The following TMEM178B variants were observed in gnomAD, a reference collection of about 807,000 sequenced individuals.
TMEM178B encodes the protein transmembrane protein 178B.
Under a neutral mutation model 31.0 loss-of-function variants are expected in TMEM178B, and 5 were observed. The ratio of observed to expected loss-of-function variants is 0.16; its 90% confidence interval spans 0.08 to 0.34. The LOEUF (loss-of-function observed/expected upper bound fraction) is 0.34, where lower values mean the gene tolerates loss of function less well. TMEM178B is among the 10% of genes least tolerant of loss of function. The pLI is 1.00. For synonymous variants in TMEM178B, 164 were observed against 164.0 expected, an observed-to-expected ratio of 1.00 and a Z score of 0.00; for missense variants, 275 against 400.3, an observed-to-expected ratio of 0.69 and a Z score of 2.67.
chr7:141,096,408 T>C (rs1794961594), intron 1 of TMEM178B, among the ~76,000 whole-genome samples: 1 of 152,184 alleles, frequency 6.6e-6, no homozygotes, highest in African/African-American at 2.4e-5. Context: ...CTATCTTCTC[T>C]CTGGATGCTA....
intron 1 of TMEM178B, among the ~76,000 whole-genome samples, chr7:141,135,405 T>G (rs181403355): frequency 1.3e-5 from 2 of 152,316 alleles, no homozygotes; most frequent in Admixed American, 1.3e-4. Context: ...ACAGAACATT[T>G]TATCCAATAG....
chr7:141,207,365 T>C (rs1291001606), intron 1 of TMEM178B, among the ~76,000 whole-genome samples: 1 of 152,246 alleles, frequency 6.6e-6, no homozygotes, highest in Non-Finnish European at 1.5e-5. Context: ...ACCACCATAC[T>C]GAGCCCCACA....
intron 1 of TMEM178B, among the ~76,000 whole-genome samples, chr7:141,174,257 C>G (rs994481721): frequency 2.0e-5 from 3 of 152,132 alleles, no homozygotes; most frequent in Non-Finnish European, 4.4e-5. Context: ...ATGATGGTTT[C>G]CAGCGTCATC....
chr7:141,430,821 C>T (rs2116668882), intron 2 of TMEM178B, among the ~76,000 whole-genome samples: 1 of 152,304 alleles, frequency 6.6e-6, no homozygotes, highest in South Asian at 2.1e-4. Context: ...CACTTGAGTT[C>T]TGCCCTCACC....
rs145832764 is a variant in TMEM178B, at chr7:141,203,574, C to A, written c.383-9017C>A. Among the ~76,000 whole-genome samples, 8 of 152,338 alleles carry A rather than the reference C, an allele frequency of 5.3e-5. 1 individual carries two copies. Among genetic ancestry groups the A allele is most frequent in the African/African-American group, 1.9e-4 (8 of 41,580 alleles). On this transcript the variant is annotated intron_variant, in intron 1 of 3. Coordinates refer to ENST00000565468, the MANE Select transcript of TMEM178B (RefSeq NM_001195278.2). ...TGTGGCTGCAAAAATAACCCTTGTT[C>A]CCAGCAAATCTTCCACCCAACAGTG...
chr7:141,428,387 A>AAG (rs1554486898), intron 2 of TMEM178B, among the ~76,000 whole-genome samples: 7 of 143,984 alleles, frequency 4.9e-5, no homozygotes, highest in South Asian at 4.3e-4. Context: ...AAAAAAAAGA[A>AAG]AAAAAGAAAA....
chr7:141,220,128 G>T (rs6950120), intron 2 of TMEM178B, among the ~76,000 whole-genome samples: 85,221 of 151,318 alleles, frequency 0.56, 25,808 homozygotes, highest in East Asian at 0.8. Flanking sequence ...AGACCAGTCT[G>T]GCTAACATAG....
At chr7:141,300,029 T>A (rs1192414476) in intron 2 of TMEM178B, among the ~76,000 whole-genome samples, 4 of 152,178 alleles carry the variant, frequency 2.6e-5, no homozygotes, top group Non-Finnish European at 5.9e-5. Context: ...AGTGATCCTC[T>A]CACCTTAGCC....
At chr7:141,450,359 G>C (rs1358114891) in intron 3 of TMEM178B, among the ~76,000 whole-genome samples, 1 of 152,218 alleles carries the variant, frequency 6.6e-6, no homozygotes, top group African/African-American at 2.4e-5. Context: ...CTGTGGAAGA[G>C]AAAATAAAAT....
At chr7:141,488,104 A>G in the TMEM178B span, among the ~76,000 whole-genome samples, 2 of 152,288 alleles carry the variant, frequency 1.3e-5, no homozygotes, top group African/African-American at 4.8e-5. Flanking sequence ...TTGATAATCT[A>G]TATCTACAAG....
chr7:141,411,315 G>A (rs1253658735), intron 2 of TMEM178B, among the ~76,000 whole-genome samples: 2 of 152,176 alleles, frequency 1.3e-5, no homozygotes, highest in African/African-American at 4.8e-5. Context: ...TTTTAGTTCG[G>A]GAAGATGAAC....
At chr7:141,368,376 A>G (rs1800049802) in intron 2 of TMEM178B, among the ~76,000 whole-genome samples, 1 of 152,138 alleles carries the variant, frequency 6.6e-6, no homozygotes, top group Non-Finnish European at 1.5e-5. Context: ...ATATCATACT[A>G]TTTTGCATGT....
chr7:141,221,645 A>G (rs1427730473), intron 2 of TMEM178B, among the ~76,000 whole-genome samples: 1 of 152,238 alleles, frequency 6.6e-6, no homozygotes, highest in Non-Finnish European at 1.5e-5. Context: ...CAGGTGTGCT[A>G]TGCCCAGAAC....
At chr7:141,485,436 A>T in the TMEM178B span, among the ~76,000 whole-genome samples, 2 of 152,182 alleles carry the variant, frequency 1.3e-5, no homozygotes, top group African/African-American at 2.4e-5. Flanking sequence ...ACAAGTGGGG[A>T]TAATAAAATA....
chr7:141,144,761 CCAGACATG>C (rs1795825241), intron 1 of TMEM178B, among the ~76,000 whole-genome samples: 1 of 151,996 alleles, frequency 6.6e-6, no homozygotes, highest in Non-Finnish European at 1.5e-5. Context: ...AGCTCCTTTC[CCAGACATG>C]CAGTTCAAGG....
intron 2 of TMEM178B, among the ~76,000 whole-genome samples, chr7:141,237,929 A>C (rs994344944): frequency 4.6e-5 from 7 of 151,686 alleles, no homozygotes; most frequent in African/African-American, 1.7e-4. Context: ...AGGCTGAGGC[A>C]GGAGAATCGC....
intron 1 of TMEM178B, among the ~76,000 whole-genome samples, chr7:141,209,338 T>A (rs947437589): frequency 3.3e-5 from 5 of 152,222 alleles, no homozygotes; most frequent in African/African-American, 1.2e-4. Flanking sequence ...AGCCTCTCCT[T>A]GTATTGTCCA....
intron 3 of TMEM178B, among the ~76,000 whole-genome samples, chr7:141,463,195 T>C (rs1802088581): frequency 6.6e-6 from 1 of 152,144 alleles, no homozygotes; most frequent in Admixed American, 6.5e-5. Flanking sequence ...AGTTTTCGTT[T>C]CTCATTCCAA....
chr7:141,169,832 A>G (rs138338430), intron 1 of TMEM178B, among the ~76,000 whole-genome samples: 76 of 152,320 alleles, frequency 5.0e-4, no homozygotes, highest in African/African-American at 1.8e-3. Flanking sequence ...TATTTGTGCA[A>G]CTCTGGATTA....
Sources: gnomAD v4.1 joint callset for allele counts (sites outside exome capture counted in the v4.1 genomes callset) on GRCh38, gnomAD v4.1.1 for gene constraint, MANE v1.5 for transcripts, NCBI Gene and HGNC (gene_info 2026-07-23, HGNC 2026-07-21) for gene names.